The following SMC1A variants were observed in gnomAD, a reference collection of about 807,000 sequenced individuals.
The protein encoded by SMC1A is structural maintenance of chromosomes 1A, also known as structural maintenance of chromosomes protein 1A.
SMC1A carries 4 observed loss-of-function variants against 94.5 expected under a neutral mutation model. The observed-to-expected ratio is 0.04, with a 90% confidence interval of 0.02 to 0.10. The LOEUF (loss-of-function observed/expected upper bound fraction) is 0.10, where lower values mean the gene tolerates loss of function less well. Among genes scored for constraint, SMC1A ranks in the 10% least tolerant of loss-of-function variants. The probability of loss-of-function intolerance (pLI) is 1.00; values close to 1 mark genes in which losing one functional copy is unlikely to be tolerated. For synonymous variants in SMC1A, 345 were observed against 347.7 expected, an observed-to-expected ratio of 0.99 and a Z score of 0.09; for missense variants, 304 against 989.0, an observed-to-expected ratio of 0.31 and a Z score of 9.29.
chrX:53,396,290 A>G lies in SMC1A; in HGVS notation c.2799T>C (p.Cys933=), dbSNP rs1556887997. 8.3e-7 allele frequency: 1 copy of G among 1,209,935 alleles called. No individual in the cohort carries two copies. Among genetic ancestry groups the G allele is most frequent in the Non-Finnish European group, 1.1e-6 (1 of 894,219 alleles). ...RSDRHNLLQA[C]KMQDIKLPLS... ...GTGGCAACTTAATGTCCTGCATCTT[A>G]CAGGCCTGTAGCAAGTTGTGACGGT... The change falls in exon 18 of 25, where the codon TGT becomes TGC. Residue 933 remains cysteine (C), a synonymous_variant. Transcript: ENST00000322213.
At chrX:53,391,310 C>T (rs1005236384) in intron 19 of SMC1A, among the ~76,000 whole-genome samples, 1 of 109,006 alleles carries the variant, frequency 9.2e-6, no homozygotes, top group African/African-American at 3.3e-5. Flanking sequence ...AGTGAGACTC[C>T]GTCTCAAACA....
At chrX:53,389,404 C>T (rs899692832) in intron 19 of SMC1A, among the ~76,000 whole-genome samples, 10 of 111,167 alleles carry the variant, frequency 9.0e-5, no homozygotes, top group Non-Finnish European at 9.4e-5. Context: ...TGTGTGTTTG[C>T]GTGTGACCAT....
intron 19 of SMC1A, 46 bp downstream of exon 19, chrX:53,394,731 TC>T: frequency 2.4e-6 from 1 of 416,226 alleles, no homozygotes. Flanking sequence ...ATAGTCCCAC[TC>T]CCACCCAACC....
intron 19 of SMC1A, 56 bp downstream of exon 19, chrX:53,394,722 T>C (rs954595565): frequency 6.3e-5 from 43 of 681,948 alleles, no homozygotes; most frequent in Non-Finnish European, 8.0e-5. Context: ...ACTAGGAAGA[T>C]AGTCCCACTC....
At chrX:53,380,259 C>T in intron 24 of SMC1A, 73 bp from the exon 25 acceptor site, 1 of 780,467 alleles carries the variant, frequency 1.3e-6, no homozygotes, top group Non-Finnish European at 1.9e-6. Context: ...GCCCCAGGAC[C>T]AGGGGCCTCA....
At chrX:53,385,968 T>C (rs2075602962) in intron 19 of SMC1A, among the ~76,000 whole-genome samples, 2 of 111,870 alleles carry the variant, frequency 1.8e-5, no homozygotes, top group South Asian at 7.3e-4. Context: ...ACATTTAGCG[T>C]TGAAAAACCT....
At chrX:53,385,565 G>A (rs1266924414) in intron 19 of SMC1A, among the ~76,000 whole-genome samples, 4 of 110,023 alleles carry the variant, frequency 3.6e-5, no homozygotes, top group South Asian at 3.9e-4. Flanking sequence ...GTGAGCCACC[G>A]CGCCCGGCCC....
At position 53,396,468 on chromosome X, in the gene SMC1A, T is replaced by G; in HGVS notation, c.2708+4A>C. The G allele has an allele frequency of 1.7e-6, 2 of 1,210,725 alleles. No homozygotes were observed. Among genetic ancestry groups the G allele is most frequent in the Non-Finnish European group, 2.2e-6 (2 of 895,284 alleles). ...CCTCCCACCCCAGGCCTGAACCCAC[T>G]CACTTGTTGGCGCCCCCGAGTTTCT... On this transcript the variant is annotated splice_donor_region_variant and intron_variant, in intron 17 of 24. Coordinates refer to ENST00000322213, the MANE Select transcript of SMC1A (RefSeq NM_006306.4).
chrX:53,407,864 T>A (rs1366217008), intron 9 of SMC1A, among the ~76,000 whole-genome samples: 3 of 111,385 alleles, frequency 2.7e-5, no homozygotes, highest in African/African-American at 9.8e-5. Context: ...ACAGCCCCCA[T>A]GCTATCAAGG....
intron 1 of SMC1A, 110 bp from the exon 2 acceptor site, chrX:53,415,279 G>A: frequency 1.6e-6 from 1 of 616,601 alleles, no homozygotes; most frequent in South Asian, 2.4e-5. Context: ...TCAGTACTCA[G>A]ACTAATGGGA....
At chrX:53,418,987 G>A (rs1049151305) in intron 1 of SMC1A, among the ~76,000 whole-genome samples, 14 of 100,027 alleles carry the variant, frequency 1.4e-4, no homozygotes, top group African/African-American at 4.1e-4. Flanking sequence ...GTTACAGTGA[G>A]CTGAGATCGC....
rs782700234 is a variant in SMC1A at position 53,379,755 on chromosome X, G to A, written c.*348C>T. The A allele has an allele frequency of 8.7e-5, 25 of 286,784 alleles. No individual in the cohort carries two copies. Among genetic ancestry groups the A allele is most frequent in the Non-Finnish European group, 1.5e-4 (24 of 162,135 alleles). 23.6% of individuals were successfully genotyped at this position (286,784 alleles called of 1,213,427 possible). On this transcript the variant is annotated 3_prime_UTR_variant, in exon 25 of 25. Transcript: ENST00000322213. The stretch of plus-strand genomic sequence containing the variant: ...CAAACATACTCACATGCACACATGC[G>A]GATACATACATACACACATACATAC...
At chrX:53,403,946 G>C in intron 13 of SMC1A, 53 bp from the exon 14 acceptor site, 1 of 906,692 alleles carries the variant, frequency 1.1e-6, no homozygotes, top group South Asian at 2.0e-5. Context: ...TGGAGAAAAA[G>C]CTACCTTGAC....
intron 7 of SMC1A, among the ~76,000 whole-genome samples, chrX:53,410,361 C>T (rs1446348537): frequency 9.1e-6 from 1 of 109,859 alleles, no homozygotes; most frequent in Non-Finnish European, 1.9e-5. Flanking sequence ...GAGGCCGAGG[C>T]GGGCGGATCA....
intron 1 of SMC1A, among the ~76,000 whole-genome samples, chrX:53,422,209 C>A (rs1556892259): frequency 8.9e-6 from 1 of 112,118 alleles, no homozygotes; most frequent in African/African-American, 3.2e-5. Flanking sequence ...AGACGCGACT[C>A]CTTTGGCGGG....
At position 53,408,596 on chromosome X, in the gene SMC1A, G is replaced by A. The variant is rs146330772; in HGVS notation, c.1545+466C>T. 5.4e-3 allele frequency among the ~76,000 whole-genome samples: 604 copies of A among 111,184 alleles called. 5 individuals carry two copies. The highest frequency in any genetic ancestry group is 0.025 in the South Asian group (68 of 2,671). On this transcript the variant is annotated intron_variant, in intron 9 of 24. Coordinates refer to ENST00000322213, the MANE Select transcript of SMC1A (RefSeq NM_006306.4). ...CCAAAAGATCAAGAGATCTGATAAA[G>A]CTCAGGGTGTCCCTAAAAGCTACTG...
chrX:53,385,593 T>C, intron 19 of SMC1A, among the ~76,000 whole-genome samples: 1 of 110,680 alleles, frequency 9.0e-6, no homozygotes, highest in South Asian at 3.8e-4. Context: ...GATTTTTAAG[T>C]AAAATATGAA....
chrX:53,406,034 A>T, intron 9 of SMC1A, 78 bp from the exon 10 acceptor site: 1 of 932,336 alleles, frequency 1.1e-6, no homozygotes, highest in Non-Finnish European at 1.5e-6. Flanking sequence ...CCAGTATGGA[A>T]AGGGGGACAG....
intron 7 of SMC1A, among the ~76,000 whole-genome samples, chrX:53,410,543 T>C (rs2075707175): frequency 9.2e-6 from 1 of 108,405 alleles, no homozygotes; most frequent in Admixed American, 9.9e-5. Flanking sequence ...CTCACACCTG[T>C]AATCCCAGCA....
Sources: allele counts gnomAD v4.1 joint callset (sites outside exome capture counted in the v4.1 genomes callset), GRCh38; gene constraint gnomAD v4.1.1; transcripts MANE v1.5; gene names NCBI Gene and HGNC (gene_info 2026-07-23, HGNC 2026-07-21).